Variants in NDUFB9 observed in about 807,000 individuals in gnomAD.
The protein encoded by NDUFB9 is NADH dehydrogenase [ubiquinone] 1 beta subcomplex subunit 9.
In NDUFB9, 24 loss-of-function variants were observed where a neutral mutation model predicts 30.2. The ratio of observed to expected loss-of-function variants is 0.80; its 90% CI spans 0.58 to 1.12. The LOEUF is 1.12. Among genes scored for constraint, NDUFB9 ranks in the 50% most tolerant of loss-of-function variants. The pLI is 0.00. For missense variants in NDUFB9, 204 were observed against 226.0 expected, an observed-to-expected ratio of 0.90 and a Z score of 0.62; for synonymous variants, 80 against 84.0, an observed-to-expected ratio of 0.95 and a Z score of 0.26.
chr8:124,539,462 G>A lies in NDUFB9; in HGVS notation c.101+175G>A. ...TCAAATCCAGGCTTCGCCACTTATG[G>A]CCGGGAGACCTTGTAGAGTTGCTTG... On this transcript the variant is annotated intron_variant, in intron 1 of 3. Transcript: ENST00000276689. 4.7e-6 allele frequency: 3 copies of A among 636,408 alleles called. No individual in the cohort carries two copies. In the South Asian group the frequency reaches 5.4e-5, roughly 12 times the overall value. 39.4% of individuals were successfully genotyped at this position (636,408 alleles called of 1,614,324 possible).
At chr8:124,547,844 G>A (rs150445694) in intron 3 of NDUFB9, among the ~76,000 whole-genome samples, 56 of 152,194 alleles carry the variant, frequency 3.7e-4, no homozygotes, top group African/African-American at 1.3e-3. Flanking sequence ...TTAGCTGGGC[G>A]TGGGGGCTGT....
chr8:124,547,571 C>G (rs968456483), intron 3 of NDUFB9: 1 of 343,034 alleles, frequency 2.9e-6, no homozygotes, highest in Non-Finnish European at 5.4e-6. Context: ...GTTGTCATGA[C>G]TAACACTAGG....
chr8:124,547,518 CA>C, intron 3 of NDUFB9: 1 of 488,558 alleles, frequency 2.0e-6, no homozygotes, highest in Non-Finnish European at 3.7e-6. Context: ...AGAGGAGAAG[CA>C]GAGAGACCCT....
At chr8:124,546,259 A>G (rs1460187820) in intron 2 of NDUFB9, among the ~76,000 whole-genome samples, 1 of 152,194 alleles carries the variant, frequency 6.6e-6, no homozygotes, top group African/African-American at 2.4e-5. Flanking sequence ...CAATCCTCTC[A>G]AACCCTGCCA....
Position 124,545,631 on chromosome 8 carries a change from CA to C in NDUFB9, c.295-1367del, listed in dbSNP as rs570986086. On this transcript the variant is annotated intron_variant, in intron 2 of 3. Transcript: ENST00000276689. ...GCAGCCTGGATCCCCTGGGCTCAAGCAATCCTCCTGTCCTAGCCAACCAAGT... is the reference window on the plus strand; with the variant it reads ...GCAGCCTGGATCCCCTGGGCTCAAGCATCCTCCTGTCCTAGCCAACCAAGT... Among the ~76,000 whole-genome samples, 621 of 152,190 alleles carry C rather than the reference CA, an allele frequency of 4.1e-3. 5 individuals are homozygous for C. The highest frequency in any genetic ancestry group is 0.019 in the South Asian group (92 of 4,816).
At chr8:124,546,927 C>G in intron 2 of NDUFB9, 73 bp from the exon 3 acceptor site, 1 of 998,916 alleles carries the variant, frequency 1.0e-6, no homozygotes, top group Non-Finnish European at 1.6e-6. Context: ...TGTCTTACAT[C>G]TCCTGAGCAG....
Position 124,549,783 on chromosome 8 carries a change from C to T in NDUFB9, c.431C>T (p.Thr144Met), listed in dbSNP as rs769883777. ...TAGGTTAAGCAGCTGCAGGAGGAAA[C>T]GCCACCTGGTGGTCCTTTAACTGAA... is the stretch of plus-strand genomic sequence containing the variant. The part of the protein sequence containing the change: ...EREVKQLQEE[T>M]PPGGPLTEAL... Residue 144 changes from threonine (T) to methionine (M), a missense_variant, in exon 4 of 4, where the codon ACG (threonine) becomes ATG (methionine). Thr to Met is a moderately conservative substitution (Grantham distance 81, BLOSUM62 -1). Coordinates refer to ENST00000276689, the MANE Select transcript of NDUFB9 (RefSeq NM_005005.3). 8.0e-5 allele frequency: 129 copies of T among 1,613,980 alleles called. 2 individuals carry two copies. In the South Asian group the frequency reaches 1.2e-3, roughly 15 times the overall value.
chr8:124,549,186 T>G (rs1176562413), intron 3 of NDUFB9, among the ~76,000 whole-genome samples: 1 of 152,258 alleles, frequency 6.6e-6, no homozygotes, highest in Non-Finnish European at 1.5e-5. Flanking sequence ...TGGGTGATCT[T>G]CTGTTAGGAC....
intron 1 of NDUFB9, among the ~76,000 whole-genome samples, chr8:124,540,177 T>C (rs1821886679): frequency 6.6e-6 from 1 of 152,218 alleles, no homozygotes; most frequent in Non-Finnish European, 1.5e-5. Flanking sequence ...ATGTGACTAT[T>C]AGAAAATCAC....
intron 2 of NDUFB9, among the ~76,000 whole-genome samples, chr8:124,545,506 T>C (rs984224911): frequency 2.6e-5 from 4 of 152,200 alleles, no homozygotes; most frequent in African/African-American, 9.6e-5. Flanking sequence ...AGATGATTGT[T>C]GGCAGTTTTT....
At chr8:124,539,705 G>T (rs72713102) in intron 1 of NDUFB9, among the ~76,000 whole-genome samples, 1 of 152,128 alleles carries the variant, frequency 6.6e-6, no homozygotes, top group Non-Finnish European at 1.5e-5. Flanking sequence ...CTAGGAGTTA[G>T]GAATTATCTT....
chr8:124,539,616 A>G (rs1486488523), intron 1 of NDUFB9, among the ~76,000 whole-genome samples: 5 of 152,224 alleles, frequency 3.3e-5, no homozygotes, highest in African/African-American at 1.2e-4. Flanking sequence ...GCGCTCGCTC[A>G]ATCGTTTTCT....
At chr8:124,545,888 G>A (rs1822145266) in intron 2 of NDUFB9, among the ~76,000 whole-genome samples, 1 of 152,138 alleles carries the variant, frequency 6.6e-6, no homozygotes, top group Admixed American at 6.5e-5. Flanking sequence ...TTTTGCCCAG[G>A]CTGGAGTGCA....
At chr8:124,541,425 G>C (rs1231167136) in intron 1 of NDUFB9, among the ~76,000 whole-genome samples, 1 of 152,098 alleles carries the variant, frequency 6.6e-6, no homozygotes, top group East Asian at 1.9e-4. Flanking sequence ...TTAGACACTG[G>C]TTTTTATAAA....
At chr8:124,541,945 G>A (rs966833071) in intron 1 of NDUFB9, among the ~76,000 whole-genome samples, 6 of 146,702 alleles carry the variant, frequency 4.1e-5, no homozygotes, top group Middle Eastern at 3.9e-3. Flanking sequence ...ATGAAGTCTC[G>A]CTCTTGTCCC....
At chr8:124,547,771 G>C (rs1417287777) in intron 3 of NDUFB9, among the ~76,000 whole-genome samples, 1 of 152,010 alleles carries the variant, frequency 6.6e-6, no homozygotes, top group African/African-American at 2.4e-5. Context: ...TTGAGGTCAG[G>C]AGTTCATGAC....
intron 1 of NDUFB9, among the ~76,000 whole-genome samples, chr8:124,540,734 C>T (rs1346895586): frequency 6.6e-6 from 1 of 152,032 alleles, no homozygotes; most frequent in East Asian, 1.9e-4. Context: ...TAATTTCTTC[C>T]TCCATTTGCC....
At chr8:124,540,995 G>A (rs967092904) in intron 1 of NDUFB9, among the ~76,000 whole-genome samples, 3 of 152,078 alleles carry the variant, frequency 2.0e-5, no homozygotes, top group Admixed American at 6.6e-5. Flanking sequence ...GTGAAACCGC[G>A]TCTCTACTAA....
chr8:124,541,641 T>C (rs1288814637), intron 1 of NDUFB9, among the ~76,000 whole-genome samples: 1 of 152,244 alleles, frequency 6.6e-6, no homozygotes, highest in Non-Finnish European at 1.5e-5. Flanking sequence ...TTCGCTTATG[T>C]TGCCCAGGCT....
Sources: gnomAD v4.1 joint callset for allele counts (sites outside exome capture counted in the v4.1 genomes callset) on GRCh38, gnomAD v4.1.1 for gene constraint, MANE v1.5 for transcripts, NCBI Gene and HGNC (gene_info 2026-07-23, HGNC 2026-07-21) for gene names.